Variants in CNBD1 observed in about 807,000 individuals in gnomAD.
CNBD1 encodes the protein cyclic nucleotide binding domain containing 1, also known as cyclic nucleotide-binding domain-containing protein 1.
Under a neutral mutation model 54.4 loss-of-function variants are expected in CNBD1, and 71 were observed. The ratio of observed to expected loss-of-function variants is 1.30; its 90% CI spans 1.08 to 1.59. The LOEUF is 1.59. CNBD1 is among the 40% of genes most tolerant of loss of function. CNBD1 has a pLI of 0.00. For synonymous variants in CNBD1, 182 were observed against 170.7 expected (o/e 1.07, Z -0.51); for missense variants, 659 against 518.0 (o/e 1.27, Z -2.64).
intron 10 of CNBD1, among the ~76,000 whole-genome samples, chr8:87,369,093 A>C (rs1433146341): frequency 1.3e-5 from 2 of 152,020 alleles, no homozygotes; most frequent in Non-Finnish European, 2.9e-5. Flanking sequence ...ATCCTTATGT[A>C]GTTATTTTAT....
chr8:87,056,505 A>G (rs2949551), intron 4 of CNBD1, among the ~76,000 whole-genome samples: 39,360 of 152,130 alleles, frequency 0.26, 5,925 homozygotes, highest in Admixed American at 0.36. Context: ...AGGAAGGTGT[A>G]TATCATCAAT....
chr8:87,417,623 C>T (rs1586090063), intron 2 of CNBD1, among the ~76,000 whole-genome samples: 1 of 151,684 alleles, frequency 6.6e-6, no homozygotes, highest in African/African-American at 2.4e-5. Flanking sequence ...CACACAAAGC[C>T]AATTAATTAT....
At chr8:87,160,582 T>C (rs917898000) in intron 4 of CNBD1, among the ~76,000 whole-genome samples, 3 of 152,130 alleles carry the variant, frequency 2.0e-5, no homozygotes, top group African/African-American at 7.2e-5. Flanking sequence ...TTTAAAATTA[T>C]TAATAATTTC....
Position 86,888,745 on chromosome 8 carries a change from GTTGGTCCCT to G in CNBD1, c.158+1137_158+1145del, listed in dbSNP as rs147390254. 6.5e-3 allele frequency among the ~76,000 whole-genome samples: 995 copies of G among 152,252 alleles called. 22 individuals carry two copies. Among genetic ancestry groups the G allele is most frequent in the African/African-American group, 0.023 (946 of 41,558 alleles). ...TCCAAGCTTTGAATCTATCTTATAT[GTTGGTCCCT>G]TTTCTAATGCATGAGATGCTAATCA... On this transcript the variant is annotated intron_variant, in intron 2 of 10. Coordinates refer to ENST00000518476, the MANE Select transcript of CNBD1 (RefSeq NM_173538.3).
intron 4 of CNBD1, among the ~76,000 whole-genome samples, chr8:87,133,779 C>T (rs1476491890): frequency 1.3e-5 from 2 of 151,188 alleles, no homozygotes; most frequent in South Asian, 4.2e-4. Context: ...TTGATTCAGG[C>T]AATCAAAACT....
intron 4 of CNBD1, among the ~76,000 whole-genome samples, chr8:87,052,801 G>A (rs888711006): frequency 1.3e-5 from 2 of 152,120 alleles, no homozygotes; most frequent in Non-Finnish European, 2.9e-5. Flanking sequence ...CAAATACTTG[G>A]GTTACTTTTG....
intron 1 of CNBD1, 83 bp from the exon 2 acceptor site, chr8:86,887,459 A>G (rs1166938684): frequency 4.9e-6 from 4 of 816,022 alleles, no homozygotes; most frequent in African/African-American, 1.7e-5. Context: ...ACTATGATGA[A>G]TGTTTGCAAT....
intron 5 of CNBD1, among the ~76,000 whole-genome samples, chr8:87,221,266 G>T (rs1345348446): frequency 6.6e-6 from 1 of 151,994 alleles, no homozygotes; most frequent in Non-Finnish European, 1.5e-5. Flanking sequence ...TGTGTAATTG[G>T]TTATTTAAAA....
At chr8:87,257,369 CAAAAAAA>C (rs771338208) in intron 6 of CNBD1, among the ~76,000 whole-genome samples, 1 of 67,558 alleles carries the variant, frequency 1.5e-5, no homozygotes, top group Admixed American at 1.8e-4. Flanking sequence ...AACTCTATCG[CAAAAAAA>C]AAAAAAAAAG....
At chr8:87,328,259 C>T (rs763259206) in intron 8 of CNBD1, among the ~76,000 whole-genome samples, 125 of 152,112 alleles carry the variant, frequency 8.2e-4, no homozygotes, top group Middle Eastern at 3.4e-3. Context: ...TTATTTTTGG[C>T]ACCCTTGTCA....
At chr8:86,915,740 A>G (rs1809173648) in intron 3 of CNBD1, among the ~76,000 whole-genome samples, 1 of 152,212 alleles carries the variant, frequency 6.6e-6, no homozygotes, top group Admixed American at 6.5e-5. Context: ...CCAGCTAATA[A>G]TTAAGAGTGC....
chr8:87,353,557 T>G, intron 9 of CNBD1, 79 bp from the exon 10 acceptor site: 4 of 906,718 alleles, frequency 4.4e-6, no homozygotes, highest in South Asian at 1.7e-5. Flanking sequence ...GGTTTATGAG[T>G]GAGTTTCTGA....
intron 5 of CNBD1, among the ~76,000 whole-genome samples, chr8:87,231,572 A>G (rs1408304605): frequency 1.3e-5 from 2 of 152,218 alleles, no homozygotes; most frequent in Non-Finnish European, 2.9e-5. Context: ...TGTCTCTCAT[A>G]TAATAAAATG....
chr8:87,161,851 T>C (rs1016311987), intron 4 of CNBD1, among the ~76,000 whole-genome samples: 4 of 152,234 alleles, frequency 2.6e-5, no homozygotes, highest in Non-Finnish European at 5.9e-5. Context: ...TTATTCAACA[T>C]GGTAAAGCTC....
chr8:87,119,909 T>C (rs1420861893), intron 4 of CNBD1, among the ~76,000 whole-genome samples: 2 of 152,162 alleles, frequency 1.3e-5, no homozygotes, highest in Non-Finnish European at 2.9e-5. Context: ...GAACTATCCT[T>C]GCATCCCTGG....
At chr8:87,025,878 G>A (rs1809633543) in intron 4 of CNBD1, among the ~76,000 whole-genome samples, 1 of 152,200 alleles carries the variant, frequency 6.6e-6, no homozygotes, top group South Asian at 2.1e-4. Context: ...GAACCCACCG[G>A]AAGGAACCAA....
intron 8 of CNBD1, among the ~76,000 whole-genome samples, chr8:87,337,824 A>T (rs903689211): frequency 2.6e-5 from 4 of 152,120 alleles, no homozygotes; most frequent in East Asian, 3.9e-4. Flanking sequence ...ACAGAACCTG[A>T]ATACCTCGGT....
At chr8:87,084,855 A>G (rs1438438766) in intron 4 of CNBD1, among the ~76,000 whole-genome samples, 2 of 151,776 alleles carry the variant, frequency 1.3e-5, no homozygotes. Flanking sequence ...TTGTATTTTT[A>G]GTTGAGACGG....
intron 10 of CNBD1, among the ~76,000 whole-genome samples, chr8:87,372,798 C>A (rs116452970): frequency 6.6e-6 from 1 of 151,838 alleles, no homozygotes; most frequent in African/African-American, 2.4e-5. Context: ...ATGTCTAGAA[C>A]AAATTTATTT....
Sources: allele counts gnomAD v4.1 joint callset (sites outside exome capture counted in the v4.1 genomes callset), GRCh38; gene constraint gnomAD v4.1.1; transcripts MANE v1.5; gene names NCBI Gene and HGNC (gene_info 2026-07-23, HGNC 2026-07-21).